The following GRAMD4 variants were observed in gnomAD, a reference collection of about 807,000 sequenced individuals.
GRAMD4 encodes GRAM domain containing 4, also known as GRAM domain-containing protein 4.
In GRAMD4, 25 loss-of-function variants were observed where a neutral mutation model predicts 83.9. That is an observed-to-expected ratio of 0.30 (90% confidence interval 0.22 to 0.42). The LOEUF is 0.42. GRAMD4 is among the 10% of genes least tolerant of loss of function. The probability of loss-of-function intolerance (pLI) is 1.00; values close to 1 mark genes in which losing one functional copy is unlikely to be tolerated. For missense variants in GRAMD4, 593 were observed against 788.7 expected (o/e 0.75, Z 2.97); for synonymous variants, 336 against 320.9 (o/e 1.05, Z -0.50).
intron 1 of GRAMD4, among the ~76,000 whole-genome samples, chr22:46,625,458 C>G (rs1316148263): frequency 1.3e-5 from 2 of 152,262 alleles, no homozygotes; most frequent in African/African-American, 4.8e-5. Flanking sequence ...GGAAATACCC[C>G]CGCCAGGGAT....
chr22:46,636,717 A>C, intron 2 of GRAMD4, among the ~76,000 whole-genome samples: 1 of 152,238 alleles, frequency 6.6e-6, no homozygotes, highest in East Asian at 1.9e-4. Context: ...GGCAGGATGC[A>C]ACGTGGAGGG....
At chr22:46,589,020 T>C (rs897971694) in intron 1 of GRAMD4, among the ~76,000 whole-genome samples, 17 of 151,996 alleles carry the variant, frequency 1.1e-4, no homozygotes, top group Admixed American at 3.3e-4. Flanking sequence ...ACTGTGGCGC[T>C]GGGCAGAGGG....
At chr22:46,636,283 C>T (rs1047183808) in intron 2 of GRAMD4, among the ~76,000 whole-genome samples, 1 of 152,238 alleles carries the variant, frequency 6.6e-6, no homozygotes, top group Non-Finnish European at 1.5e-5. Context: ...ACAGGCGTCC[C>T]ATGCCTGTTC....
rs556684529 is a variant in GRAMD4, at chr22:46,663,762, C to T, written c.600-76C>T. 3.0e-5 allele frequency: 44 copies of T among 1,457,976 alleles called. No individual in the cohort carries two copies. In the East Asian group the frequency reaches 6.8e-4, roughly 23 times the overall value. 90.3% of individuals were successfully genotyped at this position (1,457,976 alleles called of 1,614,324 possible). On this transcript the variant is annotated intron_variant, in intron 6 of 18. Coordinates refer to ENST00000406902, the MANE Select transcript of GRAMD4 (RefSeq NM_015124.5). The stretch of plus-strand genomic sequence containing the variant: ...TCCTCCCTGGCCCCTGCAGAGCCAA[C>T]GGAACCGGGCAGTGGGGACTGCAGA...
chr22:46,585,785 G>A (rs1377364418), intron 1 of GRAMD4, among the ~76,000 whole-genome samples: 1 of 152,204 alleles, frequency 6.6e-6, no homozygotes, highest in African/African-American at 2.4e-5. Flanking sequence ...GGGCTCCCTG[G>A]AGCGATGAGG....
intron 3 of GRAMD4, among the ~76,000 whole-genome samples, chr22:46,650,398 AGGAGGGCTGAGCATTGAGGCTGGGT>A (rs1479427182): frequency 1.2e-3 from 180 of 144,324 alleles, no homozygotes; most frequent in African/African-American, 4.3e-3. Context: ...CGAGGCTGGG[AGGAGGGCTGAGCATTGAGGCTGGGT>A]GGAGGGCTGA....
chr22:46,668,230 T>G, intron 11 of GRAMD4, 63 bp downstream of exon 11: 1 of 1,182,490 alleles, frequency 8.5e-7, no homozygotes, highest in Non-Finnish European at 1.2e-6. Flanking sequence ...GCCAGGGGTG[T>G]GTCTACGCCG....
In GRAMD4 at chr22:46,606,531, T is replaced by C. The variant is rs1294065851; in HGVS notation, c.-49-20220T>C. On this transcript the variant is annotated intron_variant, in intron 1 of 1. Coordinates refer to the GRAMD4 transcript ENST00000431155. Reference sequence around the variant, plus strand: ...TGGTGCTGAGCATCTCTGCATGGGTTTATTGACCGGTGCTGAGCATGTCTG... The same window carrying C: ...TGGTGCTGAGCATCTCTGCATGGGTCTATTGACCGGTGCTGAGCATGTCTG... 1.4e-4 allele frequency among the ~76,000 whole-genome samples: 7 copies of C among 50,544 alleles called. 1 individual carries two copies. The highest frequency in any genetic ancestry group is 3.2e-4 in the African/African-American group (7 of 22,190). 33.2% of individuals were successfully genotyped at this position (50,544 alleles called of 152,430 possible). A position where few individuals can be genotyped will look rare whatever the true frequency, so the allele number is the denominator to read the frequency against.
At chr22:46,592,687 G>C (rs117518025) in intron 1 of GRAMD4, among the ~76,000 whole-genome samples, 1 of 152,232 alleles carries the variant, frequency 6.6e-6, no homozygotes, top group Non-Finnish European at 1.5e-5. Flanking sequence ...CACATGTATG[G>C]TGACCAGCTC....
chr22:46,655,882 A>G (rs1165268159), intron 3 of GRAMD4, among the ~76,000 whole-genome samples: 2 of 115,890 alleles, frequency 1.7e-5, no homozygotes, highest in East Asian at 2.6e-4. Flanking sequence ...GGCTTCAGCT[A>G]ACGCTCTGCC....
In GRAMD4 at chr22:46,668,565, G is replaced by A. The variant is rs920440112; in HGVS notation, c.931-124G>A. The A allele has an allele frequency of 3.6e-5, 32 of 900,000 alleles. 1 individual carries two copies. Among genetic ancestry groups the A allele is most frequent in the South Asian group, 2.6e-4 (20 of 75,926 alleles). 55.8% of individuals were successfully genotyped at this position (900,000 alleles called of 1,614,324 possible). On this transcript the variant is annotated intron_variant, in intron 11 of 18. Transcript: ENST00000406902. ...GGCCTTCCCCGGCCTAGGAGCAGCCGGGCAGGACCACAGGGCTCCGAGTGA... is the reference window on the plus strand; with the variant it reads ...GGCCTTCCCCGGCCTAGGAGCAGCCAGGCAGGACCACAGGGCTCCGAGTGA...
rs375706316 is a variant in GRAMD4, at chr22:46,665,662, A to G, written c.765A>G (p.Leu255=). 2 of 1,607,300 alleles carry G rather than the reference A, an allele frequency of 1.2e-6. No homozygotes were observed. The highest frequency in any genetic ancestry group is 8.5e-7 in the Non-Finnish European group (1 of 1,174,362). ...ATGGCTGGGCCATCCCATTGTTCTTATTTCTAGCAATTCTGAGGTTATCCC... is the reference window on the plus strand; with the variant it reads ...ATGGCTGGGCCATCCCATTGTTCTTGTTTCTAGCAATTCTGAGGTTATCCC... ...VWHGWAIPLF[L]FLAILRLSLN... is the part of the protein sequence containing the mutation. Residue 255 remains leucine (L), a synonymous_variant, in exon 9 of 19, where the codon TTA becomes TTG. Transcript: ENST00000406902.
chr22:46,579,209 A>C (rs1002182671), intron 1 of GRAMD4, among the ~76,000 whole-genome samples: 8 of 152,180 alleles, frequency 5.3e-5, no homozygotes, highest in Non-Finnish European at 8.8e-5. Context: ...TCACTGGGAA[A>C]GAACCAGGTG....
chr22:46,616,141 T>C (rs1418922261), upstream of GRAMD4, among the ~76,000 whole-genome samples: 4 of 142,402 alleles, frequency 2.8e-5, no homozygotes, highest in South Asian at 2.3e-4. Context: ...CCCCTGTGTG[T>C]AGGTTCCCCT....
chr22:46,602,208 C>T (rs923910856), intron 1 of GRAMD4, among the ~76,000 whole-genome samples: 4 of 152,164 alleles, frequency 2.6e-5, no homozygotes, highest in African/African-American at 9.7e-5. Context: ...CGCCATCGTG[C>T]GTGTGAGAGA....
At chr22:46,666,056 G>T (rs1189903430) in intron 9 of GRAMD4, among the ~76,000 whole-genome samples, 1 of 152,254 alleles carries the variant, frequency 6.6e-6, no homozygotes, top group Non-Finnish European at 1.5e-5. Context: ...GTTCCTGCTG[G>T]CTGCCTGTTG....
intron 10 of GRAMD4, among the ~76,000 whole-genome samples, chr22:46,667,358 C>T (rs2082426062): frequency 6.6e-6 from 1 of 152,202 alleles, no homozygotes; most frequent in Non-Finnish European, 1.5e-5. Context: ...AGAACAACGA[C>T]AACAAAAAAC....
At chr22:46,643,739 A>T (rs141865663) in intron 3 of GRAMD4, among the ~76,000 whole-genome samples, 4 of 152,306 alleles carry the variant, frequency 2.6e-5, no homozygotes, top group Non-Finnish European at 2.9e-5. Context: ...CCGTTTCCTC[A>T]TGAAGAGACT....
At chr22:46,599,948 G>A (rs766775810) in intron 1 of GRAMD4, among the ~76,000 whole-genome samples, 1 of 152,186 alleles carries the variant, frequency 6.6e-6, no homozygotes, top group Admixed American at 6.5e-5. Context: ...ACCACCGGCG[G>A]CACCTTCTCC....
Sources: gnomAD v4.1 joint callset for allele counts (sites outside exome capture counted in the v4.1 genomes callset) on GRCh38, gnomAD v4.1.1 for gene constraint, MANE v1.5 for transcripts, NCBI Gene and HGNC (gene_info 2026-07-23, HGNC 2026-07-21) for gene names.